The following IGSF10 variants were observed in gnomAD, a reference collection of about 807,000 sequenced individuals.
IGSF10 encodes the protein immunoglobulin superfamily member 10, also known as calvaria mechanical force protein 608.
A neutral mutation model predicts 128.2 loss-of-function variants in IGSF10; 126 were observed. That is an observed-to-expected ratio of 0.98 (90% confidence interval 0.85 to 1.14). The LOEUF is 1.14. IGSF10 is among the 50% of genes most tolerant of loss of function. The pLI is 0.00. For synonymous variants in IGSF10, 1,185 were observed against 1,146.2 expected, an observed-to-expected ratio of 1.03 and a Z score of -0.68; for missense variants, 3,295 against 3,149.8, an observed-to-expected ratio of 1.05 and a Z score of -1.10.
At chr3:151,553,528 T>G in the IGSF10 span, among the ~76,000 whole-genome samples, 1 of 152,050 alleles carries the variant, frequency 6.6e-6, no homozygotes, top group Non-Finnish European at 1.5e-5. Flanking sequence ...GACAAATCAC[T>G]ATCACAGATT....
At chr3:151,520,464 G>C in the IGSF10 span, among the ~76,000 whole-genome samples, 3,137 of 151,716 alleles carry the variant, frequency 0.021, 108 homozygotes, top group African/African-American at 0.072. Context: ...GAAGTATTCT[G>C]ATTAAAAACC....
the IGSF10 span, among the ~76,000 whole-genome samples, chr3:151,486,549 T>C: frequency 6.6e-6 from 1 of 152,174 alleles, no homozygotes; most frequent in South Asian, 2.1e-4. Flanking sequence ...ATTCTAAAAC[T>C]GATCATATAA....
the IGSF10 span, among the ~76,000 whole-genome samples, chr3:151,542,876 C>T: frequency 6.6e-6 from 1 of 152,160 alleles, no homozygotes; most frequent in Non-Finnish European, 1.5e-5. Flanking sequence ...ACTTTCCTCA[C>T]CTGCTGTCTA....
At chr3:151,607,639 C>T in the IGSF10 span, among the ~76,000 whole-genome samples, 4 of 152,030 alleles carry the variant, frequency 2.6e-5, no homozygotes, top group African/African-American at 4.8e-5. Context: ...GGGCCAGGCG[C>T]GGTGGCTCAT....
the IGSF10 span, among the ~76,000 whole-genome samples, chr3:151,538,514 T>A: frequency 6.6e-6 from 1 of 152,088 alleles, no homozygotes; most frequent in African/African-American, 2.4e-5. Context: ...CTAAGTAGAA[T>A]GAGAAATGTA....
the IGSF10 span, among the ~76,000 whole-genome samples, chr3:151,471,190 T>G: frequency 2.0e-5 from 3 of 152,200 alleles, no homozygotes; most frequent in Non-Finnish European, 4.4e-5. Context: ...TCTGCCACCA[T>G]GTAAGACGTT....
At chr3:151,434,211 C>T (rs1272027224), downstream of IGSF10, 2 of 152,148 alleles carry the variant, frequency 1.3e-5, no homozygotes, top group Non-Finnish European at 2.9e-5. Flanking sequence ...ATGAGCAGAC[C>T]ATGTAAATCT....
chr3:151,587,906 GT>G, the IGSF10 span, among the ~76,000 whole-genome samples: 1 of 152,186 alleles, frequency 6.6e-6, no homozygotes, highest in Non-Finnish European at 1.5e-5. Flanking sequence ...TGCCATGATT[GT>G]GGGGCTTCCC....
chr3:151,455,510 A>C (rs1388063540), intron 4 of IGSF10, among the ~76,000 whole-genome samples: 1 of 152,064 alleles, frequency 6.6e-6, no homozygotes, highest in African/African-American at 2.4e-5. Context: ...ACAACCACTA[A>C]TTTACTTTGT....
At position 151,442,383 on chromosome 3, in the gene IGSF10, T is replaced by TTTA. The variant is rs1292276060; in HGVS notation, c.5963+600_5963+601insTAA. Reference sequence around the variant, plus strand: ...TGAATATATTTATACAATTACTATTTTTTTTTTTTTTTTTGAGACAAAGTC... The same window carrying TTTA: ...TGAATATATTTATACAATTACTATTTTTATTTTTTTTTTTTTTGAGACAAAGTC... On this transcript the variant is annotated intron_variant, in intron 7 of 7. Transcript: ENST00000282466. 3.6e-3 allele frequency among the ~76,000 whole-genome samples: 520 copies of TTTA among 145,252 alleles called. 8 individuals carry two copies. Among genetic ancestry groups the TTTA allele is most frequent in the African/African-American group, 0.013 (492 of 38,648 alleles).
intron 4 of IGSF10, among the ~76,000 whole-genome samples, chr3:151,455,151 C>T (rs1488076892): frequency 2.7e-5 from 4 of 150,206 alleles, no homozygotes; most frequent in Admixed American, 2.0e-4. Flanking sequence ...ACTCTTGTTG[C>T]CCAGGCTGGA....
chr3:151,571,530 T>A, the IGSF10 span, among the ~76,000 whole-genome samples: 1 of 152,118 alleles, frequency 6.6e-6, no homozygotes, highest in South Asian at 2.1e-4. Context: ...TTGTCTGTTA[T>A]TGGTGTATAG....
At chr3:151,556,559 A>T in the IGSF10 span, among the ~76,000 whole-genome samples, 1 of 152,180 alleles carries the variant, frequency 6.6e-6, no homozygotes, top group Non-Finnish European at 1.5e-5. Flanking sequence ...AAAGAAATAC[A>T]GTAGAAGGGA....
At chr3:151,611,877 A>G in the IGSF10 span, among the ~76,000 whole-genome samples, 7,905 of 152,274 alleles carry the variant, frequency 0.052, 670 homozygotes, top group African/African-American at 0.18. Flanking sequence ...AAGAAATATT[A>G]ACAAGTTGAC....
At chr3:151,467,832 C>T in the IGSF10 span, among the ~76,000 whole-genome samples, 1 of 149,496 alleles carries the variant, frequency 6.7e-6, no homozygotes, top group Admixed American at 6.7e-5. Flanking sequence ...TGCAGTGAGC[C>T]GAGATCGTGC....
the IGSF10 span, among the ~76,000 whole-genome samples, chr3:151,510,311 G>A: frequency 6.6e-6 from 1 of 152,156 alleles, no homozygotes; most frequent in Non-Finnish European, 1.5e-5. Flanking sequence ...AGCATTTGCA[G>A]CTCACCAATA....
intron 7 of IGSF10, among the ~76,000 whole-genome samples, chr3:151,441,832 C>G (rs56389847): frequency 6.6e-6 from 1 of 152,130 alleles, no homozygotes; most frequent in African/African-American, 2.4e-5. Flanking sequence ...GAGGCTAAGG[C>G]GGGCAGATCA....
At chr3:151,574,050 T>A in the IGSF10 span, among the ~76,000 whole-genome samples, 1 of 152,222 alleles carries the variant, frequency 6.6e-6, no homozygotes, top group Non-Finnish European at 1.5e-5. Context: ...TGGCTCCCAC[T>A]CTCTTCTGGC....
chr3:151,597,801 C>T, the IGSF10 span, among the ~76,000 whole-genome samples: 34,860 of 151,854 alleles, frequency 0.23, 4,297 homozygotes, highest in South Asian at 0.47. Context: ...CCTGTAATCC[C>T]AGCTACTCAG....
Sources: gnomAD v4.1 joint callset for allele counts (sites outside exome capture counted in the v4.1 genomes callset) on GRCh38, gnomAD v4.1.1 for gene constraint, MANE v1.5 for transcripts, NCBI Gene and HGNC (gene_info 2026-07-23, HGNC 2026-07-21) for gene names.